ADAM10: variants seen among roughly 807,000 people sequenced by gnomAD.
ADAM10 encodes ADAM metallopeptidase domain 10.
Under a neutral mutation model 90.1 loss-of-function variants are expected in ADAM10, and 17 were observed. The ratio of observed to expected loss-of-function variants is 0.19; its 90% confidence interval spans 0.13 to 0.28. The LOEUF is 0.28. Ranked by LOEUF, ADAM10 falls within the 10% of genes least tolerant of loss-of-function variation. The pLI, the probability that ADAM10 is intolerant of heterozygous loss-of-function variation, is 1.00. For synonymous variants in ADAM10, 310 were observed against 298.6 expected (o/e 1.04, Z -0.40); for missense variants, 610 against 914.3 (o/e 0.67, Z 4.29).
intron 1 of ADAM10, among the ~76,000 whole-genome samples, chr15:58,721,251 T>C (rs1898842371): frequency 6.6e-6 from 1 of 152,190 alleles, no homozygotes; most frequent in South Asian, 2.1e-4. Context: ...GAGTAATGAT[T>C]TTCTGAATCT....
At chr15:58,720,042 A>G (rs896235806) in intron 1 of ADAM10, among the ~76,000 whole-genome samples, 2 of 152,220 alleles carry the variant, frequency 1.3e-5, no homozygotes, top group African/African-American at 4.8e-5. Context: ...AGAAAAAACA[A>G]AACTGGGTTG....
At chr15:58,687,351 C>T (rs1897632160) in intron 2 of ADAM10, among the ~76,000 whole-genome samples, 2 of 152,092 alleles carry the variant, frequency 1.3e-5, no homozygotes, top group East Asian at 3.8e-4. Flanking sequence ...TAAAGAAATA[C>T]AGAATTTCAT....
chr15:58,621,531 C>T lies in ADAM10; in HGVS notation c.1451G>A (p.Cys484Tyr). The T allele has an allele frequency of 1.2e-6, 2 of 1,614,132 alleles. No individual in the cohort carries two copies. The highest frequency in any genetic ancestry group is 1.7e-6 in the Non-Finnish European group (2 of 1,180,020). ...TCCCTCTGGTTGATTTGCATCGAAGCAGCATTCATCTTTACACTGGTCACT... is the reference window on the plus strand; with the variant it reads ...TCCCTCTGGTTGATTTGCATCGAAGTAGCATTCATCTTTACACTGGTCACT... ...GYSDQCKDEC[C>Y]FDANQPEGRK... The change falls in exon 11 of 16, where the codon TGC becomes TAC. Residue 484 changes from cysteine to tyrosine, a missense_variant. Physicochemically the swap from Cys to Tyr is radical, Grantham distance 194. Transcript: ENST00000260408.
At chr15:58,630,705 A>C (rs1360982445) in intron 9 of ADAM10, among the ~76,000 whole-genome samples, 1 of 152,254 alleles carries the variant, frequency 6.6e-6, no homozygotes, top group Admixed American at 6.5e-5. Context: ...TGAACCACTC[A>C]GAAAAAGTAA....
chr15:58,720,398 TA>T (rs1386904762), intron 1 of ADAM10, among the ~76,000 whole-genome samples: 28 of 22,656 alleles, frequency 1.2e-3, no homozygotes, highest in Non-Finnish European at 2.1e-3. Context: ...TATTTTATTT[TA>T]TTTTATTTTT....
chr15:58,611,572 C>T (rs1895439272), intron 12 of ADAM10: 1 of 482,098 alleles, frequency 2.1e-6, no homozygotes, highest in East Asian at 3.6e-5. Flanking sequence ...AAATCACATG[C>T]CGAGTTGTAC....
At chr15:58,659,352 C>A (rs1417690841) in intron 5 of ADAM10, among the ~76,000 whole-genome samples, 1 of 152,052 alleles carries the variant, frequency 6.6e-6, no homozygotes, top group Non-Finnish European at 1.5e-5. Flanking sequence ...ATGGTATCAG[C>A]TGTAGGTTTT....
At chr15:58,645,395 C>T (rs1339331665) in intron 6 of ADAM10, among the ~76,000 whole-genome samples, 2 of 152,192 alleles carry the variant, frequency 1.3e-5, no homozygotes, top group African/African-American at 4.8e-5. Context: ...ATTCTTTCCA[C>T]ATTCAATCTC....
intron 2 of ADAM10, among the ~76,000 whole-genome samples, chr15:58,706,215 A>G (rs1354017164): frequency 6.6e-6 from 1 of 152,230 alleles, no homozygotes; most frequent in Non-Finnish European, 1.5e-5. Flanking sequence ...TACGTTGCCA[A>G]TACAGAGAGG....
At chr15:58,720,229 A>G (rs1437145282) in intron 1 of ADAM10, among the ~76,000 whole-genome samples, 1 of 152,168 alleles carries the variant, frequency 6.6e-6, no homozygotes, top group African/African-American at 2.4e-5. Context: ...TTAAACTACT[A>G]TTGAGTTACT....
chr15:58,606,899 G>A (rs1895292832), intron 14 of ADAM10, among the ~76,000 whole-genome samples: 1 of 152,334 alleles, frequency 6.6e-6, no homozygotes, highest in South Asian at 2.1e-4. Flanking sequence ...TTGAGGTTTT[G>A]TGGGGCCATA....
At chr15:58,636,014 C>T (rs769555598) in intron 8 of ADAM10, among the ~76,000 whole-genome samples, 2 of 152,098 alleles carry the variant, frequency 1.3e-5, no homozygotes, top group Non-Finnish European at 2.9e-5. Flanking sequence ...CAGTGGCTCA[C>T]GTCTGTAATC....
intron 1 of ADAM10, among the ~76,000 whole-genome samples, chr15:58,743,807 T>C (rs1366171769): frequency 6.6e-6 from 1 of 152,198 alleles, no homozygotes; most frequent in Non-Finnish European, 1.5e-5. Flanking sequence ...GGTTTCGCCA[T>C]GTTGGGCAGG....
At chr15:58,600,946 G>C (rs1190664952) in intron 14 of ADAM10, among the ~76,000 whole-genome samples, 1 of 152,088 alleles carries the variant, frequency 6.6e-6, no homozygotes, top group Non-Finnish European at 1.5e-5. Context: ...ACACTGTTTA[G>C]TTTTTCCAGC....
intron 1 of ADAM10, among the ~76,000 whole-genome samples, chr15:58,729,495 C>T (rs1899152633): frequency 6.6e-6 from 1 of 152,136 alleles, no homozygotes; most frequent in Non-Finnish European, 1.5e-5. Flanking sequence ...CAGGCTCTAC[C>T]CCAGACTACC....
At chr15:58,633,673 A>G (rs1210037440) in intron 8 of ADAM10, among the ~76,000 whole-genome samples, 1 of 152,180 alleles carries the variant, frequency 6.6e-6, no homozygotes, top group Non-Finnish European at 1.5e-5. Flanking sequence ...TTTCCTTTCA[A>G]TTTGAATATA....
chr15:58,633,445 A>C (rs1896156804), intron 8 of ADAM10, 86 bp from the exon 9 acceptor site: 1 of 1,151,204 alleles, frequency 8.7e-7, no homozygotes, highest in Admixed American at 2.0e-5. Flanking sequence ...AAATGAAAAC[A>C]TTTTATATTT....
At chr15:58,688,907 T>A (rs1419684137) in intron 2 of ADAM10, among the ~76,000 whole-genome samples, 10 of 131,356 alleles carry the variant, frequency 7.6e-5, no homozygotes, top group Middle Eastern at 3.6e-3. Context: ...ATAAAGAGTT[T>A]AAAAAAAAAA....
intron 5 of ADAM10, among the ~76,000 whole-genome samples, chr15:58,652,166 T>C (rs750892876): frequency 3.9e-5 from 6 of 152,192 alleles, no homozygotes; most frequent in Non-Finnish European, 8.8e-5. Flanking sequence ...AGACAAGTAG[T>C]GTGCAAATAT....
Sources: gnomAD v4.1 joint callset for allele counts (sites outside exome capture counted in the v4.1 genomes callset) on GRCh38, gnomAD v4.1.1 for gene constraint, MANE v1.5 for transcripts, NCBI Gene and HGNC (gene_info 2026-07-23, HGNC 2026-07-21) for gene names.